The following HPCAL1 variants were observed in gnomAD, a reference collection of about 807,000 sequenced individuals.
HPCAL1 encodes the protein hippocalcin like 1.
In HPCAL1, 8 loss-of-function variants were observed where a neutral mutation model predicts 17.1. That is an observed-to-expected ratio of 0.47 (90% CI 0.27 to 0.84). HPCAL1 has a LOEUF of 0.84. Ranked by LOEUF, HPCAL1 falls within the 40% of genes least tolerant of loss-of-function variation. HPCAL1 has a pLI of 0.13. For missense variants in HPCAL1, 165 were observed against 271.1 expected (o/e 0.61, Z 2.75); for synonymous variants, 112 against 111.4 (o/e 1.01, Z -0.03).
intron 1 of HPCAL1, among the ~76,000 whole-genome samples, chr2:10,333,125 G>C (rs1664493339): frequency 6.6e-6 from 1 of 152,208 alleles, no homozygotes; most frequent in Non-Finnish European, 1.5e-5. Flanking sequence ...CTCTGCACTG[G>C]GTCTTTAATC....
At chr2:10,400,316 G>T (rs532728516) in intron 2 of HPCAL1, among the ~76,000 whole-genome samples, 1 of 152,332 alleles carries the variant, frequency 6.6e-6, no homozygotes, top group South Asian at 2.1e-4. Flanking sequence ...CCACCATACG[G>T]CAGCCCTCTG....
intron 1 of HPCAL1, among the ~76,000 whole-genome samples, chr2:10,345,631 A>AT (rs1262076814): frequency 1.3e-5 from 2 of 151,392 alleles, no homozygotes; most frequent in African/African-American, 2.4e-5. Flanking sequence ...TAATTTTTGT[A>AT]TTTTTTGTAG....
rs1363919244 is a variant in HPCAL1, at chr2:10,304,217, G to T, written c.-111+1040G>T. ...CCCCAGGCTCCCGCGCAAGCGTGGG[G>T]GTCCCTCTCCTGGCCGGGAGGCAGC... On this transcript the variant is annotated intron_variant, in intron 1 of 4. Transcript: ENST00000307845. The surrounding 1 kb of genome is among the most constrained non-coding windows in gnomAD (Gnocchi z 4.1). 1.3e-5 allele frequency among the ~76,000 whole-genome samples: 2 copies of T among 151,802 alleles called. No homozygotes were observed. The highest frequency in any genetic ancestry group is 2.9e-5 in the Non-Finnish European group (2 of 67,922).
At chr2:10,347,538 TCCTGCCAC>T (rs1320149421) in intron 1 of HPCAL1, among the ~76,000 whole-genome samples, 7 of 152,134 alleles carry the variant, frequency 4.6e-5, no homozygotes, top group Admixed American at 2.0e-4. Flanking sequence ...TGGAAGTGCC[TCCTGCCAC>T]CCTGGGGTCC....
At chr2:10,372,006 T>C (rs140785545) in intron 1 of HPCAL1, among the ~76,000 whole-genome samples, 264 of 152,324 alleles carry the variant, frequency 1.7e-3, no homozygotes, top group Non-Finnish European at 2.7e-3. Context: ...CTTTCTTTTG[T>C]TTGCCCTGAT....
chr2:10,375,458 G>A lies in HPCAL1; in HGVS notation c.-110-21377G>A, dbSNP rs538218406. On this transcript the variant is annotated intron_variant, in intron 1 of 4. Coordinates refer to ENST00000307845, the MANE Select transcript of HPCAL1 (RefSeq NM_002149.4). ...TGCATCAGAGCCGTGGGGGAGGGGG[G>A]CCAGGGGGCATAGGTACGACCACCA... is the stretch of plus-strand genomic sequence containing the variant. Among the ~76,000 whole-genome samples the A allele has an allele frequency of 2.6e-5, 4 of 152,288 alleles. No individual in the cohort carries two copies. The East Asian group carries it at 7.7e-4, about 29-fold the overall frequency.
At chr2:10,389,999 A>T (rs986975281) in intron 1 of HPCAL1, among the ~76,000 whole-genome samples, 1 of 152,184 alleles carries the variant, frequency 6.6e-6, no homozygotes. Flanking sequence ...TCCTTTTATT[A>T]TGTGACAAGA....
chr2:10,343,393 A>C lies in HPCAL1; in HGVS notation c.-111+40216A>C, dbSNP rs956375719. On this transcript the variant is annotated intron_variant, in intron 1 of 4. Transcript: ENST00000307845. The surrounding 1 kb of genome is among the most constrained non-coding windows in gnomAD (Gnocchi z 4.8). ...TCTCACTAGCATGTGAAGGACTGATAGCACCATATCTCCCTCCAGGACTCC... is the reference window on the plus strand; with the variant it reads ...TCTCACTAGCATGTGAAGGACTGATCGCACCATATCTCCCTCCAGGACTCC... Among the ~76,000 whole-genome samples the C allele has an allele frequency of 6.6e-6, 1 of 152,258 alleles. No homozygotes were observed. The highest frequency in any genetic ancestry group is 2.4e-5 in the African/African-American group (1 of 41,474).
At chr2:10,423,248 G>A in intron 4 of HPCAL1, 160 bp downstream of exon 4, 1 of 644,516 alleles carries the variant, frequency 1.6e-6, no homozygotes, top group Admixed American at 2.3e-5. Flanking sequence ...AGAGCGGGAT[G>A]CAGTCAGGGA....
intron 1 of HPCAL1, among the ~76,000 whole-genome samples, chr2:10,312,332 A>C (rs1290261850): frequency 7.3e-6 from 1 of 137,376 alleles, no homozygotes; most frequent in Non-Finnish European, 1.5e-5. Flanking sequence ...TATCATCATC[A>C]TCATCATCAT....
intron 2 of HPCAL1, among the ~76,000 whole-genome samples, chr2:10,411,753 T>C (rs1670370647): frequency 6.6e-6 from 1 of 152,152 alleles, no homozygotes; most frequent in Admixed American, 6.5e-5. Flanking sequence ...AAGGACAGGC[T>C]GATGTTTCCA....
intron 2 of HPCAL1, among the ~76,000 whole-genome samples, chr2:10,403,373 G>A (rs1669751835): frequency 1.3e-5 from 2 of 150,382 alleles, no homozygotes; most frequent in African/African-American, 5.0e-5. Flanking sequence ...AGCCGTCAGG[G>A]TGTGTGACAT....
At chr2:10,336,987 A>ACCGC (rs1664762496) in intron 1 of HPCAL1, among the ~76,000 whole-genome samples, 2 of 152,140 alleles carry the variant, frequency 1.3e-5, no homozygotes, top group African/African-American at 4.8e-5. Context: ...TCCTGGCCTC[A>ACCGC]AGTGTTCTTC....
intron 1 of HPCAL1, among the ~76,000 whole-genome samples, chr2:10,337,844 G>T (rs1291364474): frequency 6.6e-6 from 1 of 152,154 alleles, no homozygotes; most frequent in East Asian, 1.9e-4. Context: ...TGGTTCTTAG[G>T]AATGGTCTCT....
rs1446886645 is a variant in HPCAL1, at chr2:10,344,472, A to G, written c.-111+41295A>G. On this transcript the variant is annotated intron_variant, in intron 1 of 4. Coordinates refer to ENST00000307845, the MANE Select transcript of HPCAL1 (RefSeq NM_002149.4). The surrounding 1 kb of genome is among the most constrained non-coding windows in gnomAD (Gnocchi z 4.9). The stretch of plus-strand genomic sequence containing the variant: ...CACCAAGCGGCGATTCCATAGTTGT[A>G]TAGTGATTGTCTTTATGGAACTCCA... Among the ~76,000 whole-genome samples, 2 of 152,240 alleles carry G rather than the reference A, an allele frequency of 1.3e-5. No homozygotes were observed. The highest frequency in any genetic ancestry group is 4.8e-5 in the African/African-American group (2 of 41,464).
At chr2:10,393,541 C>T (rs1187376496) in intron 1 of HPCAL1, among the ~76,000 whole-genome samples, 1 of 152,236 alleles carries the variant, frequency 6.6e-6, no homozygotes, top group Non-Finnish European at 1.5e-5. Context: ...CCTCCCACCA[C>T]CCAGCATTTT....
At chr2:10,422,300 C>T (rs1235275610) in intron 3 of HPCAL1, among the ~76,000 whole-genome samples, 1 of 152,204 alleles carries the variant, frequency 6.6e-6, no homozygotes, top group Admixed American at 6.5e-5. Context: ...ACGTGGAGTG[C>T]TCAGAAAATC....
intron 1 of HPCAL1, among the ~76,000 whole-genome samples, chr2:10,364,622 T>C (rs1029134100): frequency 1.3e-5 from 2 of 151,476 alleles, no homozygotes; most frequent in Admixed American, 6.6e-5. Flanking sequence ...GCTCACTCTG[T>C]CACCCAGGCT....
At chr2:10,317,064 A>G (rs192917130) in intron 1 of HPCAL1, among the ~76,000 whole-genome samples, 13 of 152,350 alleles carry the variant, frequency 8.5e-5, no homozygotes, top group African/African-American at 3.1e-4. Context: ...GTAGGTTGCT[A>G]TGGAGACCAG....
Sources: allele counts gnomAD v4.1 joint callset (sites outside exome capture counted in the v4.1 genomes callset), GRCh38; gene constraint gnomAD v4.1.1; non-coding constraint Gnocchi (gnomAD v3.1); transcripts MANE v1.5; gene names NCBI Gene and HGNC (gene_info 2026-07-23, HGNC 2026-07-21).